SPRY3: variants seen among roughly 807,000 people sequenced by gnomAD.
SPRY3 encodes the protein protein sprouty homolog 3.
A neutral mutation model predicts 20.2 loss-of-function variants in SPRY3; 15 were observed. The ratio of observed to expected loss-of-function variants is 0.74; its 90% CI spans 0.50 to 1.14. The LOEUF (loss-of-function observed/expected upper bound fraction) is 1.14. Among genes scored for constraint, SPRY3 ranks in the 50% most tolerant of loss-of-function variants. SPRY3 has a pLI of 0.00. For synonymous variants in SPRY3, 143 were observed against 136.5 expected, an observed-to-expected ratio of 1.05 and a Z score of -0.33; for missense variants, 364 against 363.9, an observed-to-expected ratio of 1.00 and a Z score of 0.00.
chrX:155,682,849 GA>G (rs746039245), intron 2 of SPRY3, among the ~76,000 whole-genome samples: 16 of 112,101 alleles, frequency 1.4e-4, no homozygotes, highest in Non-Finnish European at 2.8e-4. Flanking sequence ...ATGGCATAAA[GA>G]ATATTCACGA....
rs782423209 is a variant in SPRY3, at chrX:155,662,384, C to T, written c.-282+5359C>T. ...ATTATCTGATTATAGTAGTGGTGTA[C>T]TGGGGATGTGAACAAGCTCACTGCC... On this transcript the variant is annotated intron_variant, in intron 2 of 3. Transcript: ENST00000675360. 9.0e-5 allele frequency among the ~76,000 whole-genome samples: 10 copies of T among 110,643 alleles called. No homozygotes were observed. The East Asian group carries it at 2.8e-3, about 31-fold the overall frequency.
chrX:155,733,549 G>A (rs2091148834), intron 2 of SPRY3, among the ~76,000 whole-genome samples: 1 of 151,848 alleles, frequency 6.6e-6, no homozygotes, highest in South Asian at 2.1e-4. Flanking sequence ...AGTAAATGTA[G>A]CATAATTTTT....
intron 2 of SPRY3, among the ~76,000 whole-genome samples, chrX:155,679,271 C>T (rs2068066662): frequency 9.0e-6 from 1 of 111,367 alleles, no homozygotes; most frequent in Admixed American, 9.5e-5. Flanking sequence ...GACTGTCAAT[C>T]TATTCATGAT....
intron 2 of SPRY3, among the ~76,000 whole-genome samples, chrX:155,672,222 A>G (rs1285449325): frequency 9.0e-6 from 1 of 111,044 alleles, no homozygotes; most frequent in Admixed American, 9.6e-5. Context: ...ATGGGATCTA[A>G]TTAAACTAAA....
At chrX:155,729,744 A>G (rs1325980692) in intron 2 of SPRY3, among the ~76,000 whole-genome samples, 1 of 151,994 alleles carries the variant, frequency 6.6e-6, no homozygotes, top group East Asian at 1.9e-4. Context: ...AGAAAATAAT[A>G]GAAAATACCA....
At chrX:155,770,634 CTCTCT>C (rs1217427556) in intron 3 of SPRY3, among the ~76,000 whole-genome samples, 1 of 147,798 alleles carries the variant, frequency 6.8e-6, no homozygotes, top group Non-Finnish European at 1.5e-5. Context: ...TACATTCTCT[CTCTCT>C]CTCTCTCTCT....
intron 1 of SPRY3, among the ~76,000 whole-genome samples, chrX:155,653,695 A>G (rs1557352693): frequency 8.9e-6 from 1 of 112,247 alleles, no homozygotes; most frequent in East Asian, 2.8e-4. Context: ...GAGTCTTCCA[A>G]CTTTTTATTT....
chrX:155,696,759 G>A (rs1490759561), intron 2 of SPRY3, among the ~76,000 whole-genome samples: 1 of 111,905 alleles, frequency 8.9e-6, no homozygotes, highest in Non-Finnish European at 1.9e-5. Context: ...CAATCCAACT[G>A]AGTTTCTGGT....
At chrX:155,773,307 G>GTTTTA (rs4013148) in intron 3 of SPRY3, among the ~76,000 whole-genome samples, 1 of 120,740 alleles carries the variant, frequency 8.3e-6, no homozygotes, top group East Asian at 2.7e-4. Context: ...ATTTTGATTG[G>GTTTTA]ATATATATAT....
intron 2 of SPRY3, among the ~76,000 whole-genome samples, chrX:155,659,574 T>G (rs1346515828): frequency 9.0e-6 from 1 of 111,357 alleles, no homozygotes; most frequent in African/African-American, 3.3e-5. Context: ...TTAGGAAGGA[T>G]TCCTTCCTCT....
chrX:155,710,803 T>C (rs1468641447), intron 2 of SPRY3, among the ~76,000 whole-genome samples: 1 of 151,902 alleles, frequency 6.6e-6, no homozygotes, highest in Admixed American at 6.6e-5. Context: ...GGGTCTGTCA[T>C]CTATGGCTTT....
At chrX:155,727,298 G>A (rs979644151) in intron 2 of SPRY3, among the ~76,000 whole-genome samples, 3 of 151,992 alleles carry the variant, frequency 2.0e-5, no homozygotes, top group Non-Finnish European at 2.9e-5. Flanking sequence ...TGCACTTCTC[G>A]AGGAGTATCT....
At position 155,773,758 on chromosome X, in the gene SPRY3, T is replaced by C; in HGVS notation, c.-106-8T>C. On this transcript the variant is annotated splice_polypyrimidine_tract_variant and splice_region_variant and intron_variant, in intron 3 of 3. Transcript: ENST00000675360. ...TCTCATTTACTGTTTTTATGCCTTC[T>C]CTCCTAGGATTTTCTCATGTGCCCT... 1.6e-6 allele frequency: 2 copies of C among 1,269,168 alleles called. No individual in the cohort carries two copies. The highest frequency in any genetic ancestry group is 2.9e-5 in the South Asian group (2 of 69,798). 78.6% of individuals were successfully genotyped at this position (1,269,168 alleles called of 1,614,324 possible). A position where few individuals can be genotyped will look rare whatever the true frequency, so the allele number is the denominator to read the frequency against.
At chrX:155,774,965 A>G (rs1429295069) in exon 4 of SPRY3, 1 of 605,730 alleles carries the variant, frequency 1.7e-6, no homozygotes. Context: ...CTGCCAGCTC[A>G]GCCTTTATGG....
chrX:155,642,838 G>T (rs1049451252), intron 1 of SPRY3, among the ~76,000 whole-genome samples: 25 of 111,846 alleles, frequency 2.2e-4, no homozygotes, highest in African/African-American at 8.1e-4. Context: ...GGTCAGGGAA[G>T]ATGCTTGGTA....
intron 2 of SPRY3, among the ~76,000 whole-genome samples, chrX:155,765,367 G>C (rs938425469): frequency 6.6e-6 from 1 of 152,078 alleles, no homozygotes; most frequent in African/African-American, 2.4e-5. Flanking sequence ...AGTTACTTAA[G>C]GTCTTTGGAC....
At chrX:155,719,232 A>T (rs752686499) in intron 2 of SPRY3, among the ~76,000 whole-genome samples, 1 of 152,248 alleles carries the variant, frequency 6.6e-6, no homozygotes, top group Admixed American at 6.5e-5. Context: ...AAACCAAATC[A>T]AACTCAGCTG....
intron 2 of SPRY3, among the ~76,000 whole-genome samples, chrX:155,735,892 TC>T (rs2124567993): frequency 6.6e-6 from 1 of 152,058 alleles, no homozygotes; most frequent in South Asian, 2.1e-4. Flanking sequence ...TTTTCTATCT[TC>T]CACTCTTTTT....
At chrX:155,764,453 G>A (rs934317160) in intron 2 of SPRY3, among the ~76,000 whole-genome samples, 16 of 152,038 alleles carry the variant, frequency 1.1e-4, no homozygotes, top group Non-Finnish European at 1.5e-4. Flanking sequence ...CAAAAATCAC[G>A]GAACTTCGAG....
Sources: allele counts gnomAD v4.1 joint callset (sites outside exome capture counted in the v4.1 genomes callset), GRCh38; gene constraint gnomAD v4.1.1; transcripts MANE v1.5; gene names NCBI Gene and HGNC (gene_info 2026-07-23, HGNC 2026-07-21).